Variants in PCSK4 observed in about 807,000 individuals in gnomAD.
PCSK4 encodes the protein testicular tissue protein Li 135.
Under a neutral mutation model 80.3 loss-of-function variants are expected in PCSK4, and 64 were observed. That is an observed-to-expected ratio of 0.80 (90% CI 0.65 to 0.98). The LOEUF is 0.98. Among genes scored for constraint, PCSK4 ranks in the 50% least tolerant of loss-of-function variants. The pLI is 0.00. For synonymous variants in PCSK4, 561 were observed against 487.6 expected, an observed-to-expected ratio of 1.15 and a Z score of -1.98; for missense variants, 1,213 against 1,093.6, an observed-to-expected ratio of 1.11 and a Z score of -1.54.
At chr19:1,484,435 G>A (rs180946851) in intron 8 of PCSK4, among the ~76,000 whole-genome samples, 2 of 150,984 alleles carry the variant, frequency 1.3e-5, no homozygotes, top group East Asian at 2.0e-4. Flanking sequence ...TGCAGTGAGC[G>A]GAGATCACAC....
intron 8 of PCSK4, among the ~76,000 whole-genome samples, 175 bp downstream of exon 8, chr19:1,486,678 T>C (rs2084633338): frequency 6.6e-6 from 1 of 150,944 alleles, no homozygotes; most frequent in African/African-American, 2.4e-5. Flanking sequence ...GTGATCTGCC[T>C]GCCTTAGCCT....
In PCSK4 at chr19:1,487,756, C is replaced by T. The variant is rs1308871027; in HGVS notation, c.593+29G>A. 3.9e-6 allele frequency: 6 copies of T among 1,549,788 alleles called. No individual in the cohort carries two copies. The Admixed American group carries it at 1.2e-4, about 30-fold the overall frequency. On this transcript the variant is annotated intron_variant, in intron 5 of 14. Coordinates refer to ENST00000300954, the Ensembl canonical transcript of PCSK4. ...ATCCCCCTGCCGGGTACTGGGGCTTCCCCCGTGTGCTGTGGGAGCCCTGCT... is the reference window on the plus strand; with the variant it reads ...ATCCCCCTGCCGGGTACTGGGGCTTTCCCCGTGTGCTGTGGGAGCCCTGCT...
rs376140180 is a variant in PCSK4 at position 1,487,996 on chromosome 19, C to G, written c.484G>C (p.Glu162Gln). 6.2e-6 allele frequency: 10 copies of G among 1,613,282 alleles called. No homozygotes were observed. In the East Asian group the frequency reaches 2.2e-4, roughly 36 times the overall value. ...GCCCAGAGGTCCGGGTGGTCCTTCT[C>G]GATGCCATCGTCCAGCACAGAGACC... The change falls in exon 4 of 15, where the codon GAG (glutamate) becomes CAG (glutamine). Residue 162 changes from glutamate to glutamine, a missense_variant. Transcript: ENST00000300954.
chr19:1,485,659 C>T (rs1471728788), intron 8 of PCSK4, among the ~76,000 whole-genome samples: 1 of 151,776 alleles, frequency 6.6e-6, no homozygotes, highest in East Asian at 2.0e-4. Flanking sequence ...ATCACGAGGT[C>T]AGGAGATCGA....
At chr19:1,482,116 C>T in exon 15 of PCSK4, 2 of 1,553,358 alleles carry the variant, frequency 1.3e-6, no homozygotes, top group Non-Finnish European at 1.7e-6. Context: ...TGTGCCCAGG[C>T]CCAGCGGTCA....
At chr19:1,489,942 C>T (rs1224156119) in intron 1 of PCSK4, 45 bp from the exon 2 acceptor site, 2 of 1,563,180 alleles carry the variant, frequency 1.3e-6, no homozygotes, top group East Asian at 2.4e-5. Flanking sequence ...CCCGGCTCCC[C>T]TGCTGAAGCC....
chr19:1,486,474 T>G (rs2084617433), intron 8 of PCSK4, among the ~76,000 whole-genome samples: 1 of 151,908 alleles, frequency 6.6e-6, no homozygotes, highest in African/African-American at 2.4e-5. Context: ...TTTTTTGTAT[T>G]TTTAGTAGAG....
exon 11 of PCSK4, chr19:1,483,709 G>A (rs769130615): frequency 1.9e-6 from 3 of 1,596,394 alleles, no homozygotes; most frequent in Non-Finnish European, 2.5e-6. Flanking sequence ...GCAGCCAGGT[G>A]CGGGCGGTGT....
chr19:1,489,675 T>A (rs1599254439), intron 2 of PCSK4, 118 bp downstream of exon 2: 2 of 1,479,214 alleles, frequency 1.4e-6, no homozygotes, highest in African/African-American at 1.4e-5. Flanking sequence ...CGGGCGGGTC[T>A]GAGCCACAGA....
At chr19:1,483,512 G>T in intron 11 of PCSK4, 49 bp from the exon 12 acceptor site, 1 of 1,426,530 alleles carries the variant, frequency 7.0e-7, no homozygotes, top group Non-Finnish European at 9.6e-7. Context: ...CTGGGGGGTG[G>T]GTGGGCGGCC....
At chr19:1,482,858 G>T (rs1423417599) in intron 13 of PCSK4, 38 bp downstream of exon 13, 1 of 1,604,526 alleles carries the variant, frequency 6.2e-7, no homozygotes, top group South Asian at 1.1e-5. Context: ...AGGTTGGAGA[G>T]CCAAGCCCCG....
At chr19:1,485,567 C>G (rs969844592) in intron 8 of PCSK4, among the ~76,000 whole-genome samples, 2 of 151,586 alleles carry the variant, frequency 1.3e-5, no homozygotes, top group Non-Finnish European at 2.9e-5. Flanking sequence ...GAGCGAGACT[C>G]CATCTCAAAA....
chr19:1,482,162 T>C (rs1308660719), exon 15 of PCSK4: 1 of 1,559,606 alleles, frequency 6.4e-7, no homozygotes, highest in Admixed American at 1.8e-5. Context: ...CGGGGGGCAG[T>C]AGGCCAGGCA....
intron 13 of PCSK4, 196 bp from the exon 14 acceptor site, chr19:1,482,671 C>T (rs1202539399): frequency 7.7e-6 from 6 of 784,168 alleles, no homozygotes; most frequent in South Asian, 5.4e-5. Context: ...ACCTACTGTG[C>T]GCCTGTCACT....
exon 1 of PCSK4, chr19:1,490,342 C>A (rs1249037495): frequency 8.2e-7 from 1 of 1,222,294 alleles, no homozygotes; most frequent in South Asian, 1.5e-5. Flanking sequence ...CGGGGCGGGC[C>A]GCATGGAGGC....
chr19:1,489,929 G>T, intron 1 of PCSK4, 32 bp from the exon 2 acceptor site: 1 of 1,575,920 alleles, frequency 6.3e-7, no homozygotes, highest in Non-Finnish European at 8.6e-7. Context: ...CGCACCGATG[G>T]GACCCGGCTC....
At chr19:1,488,763 T>C (rs1353983524) in intron 2 of PCSK4, among the ~76,000 whole-genome samples, 2 of 151,584 alleles carry the variant, frequency 1.3e-5, no homozygotes, top group African/African-American at 2.4e-5. Flanking sequence ...GTACATTTAG[T>C]AGAGATGGGG....
chr19:1,488,590 TC>T (rs1476455109), intron 2 of PCSK4, among the ~76,000 whole-genome samples: 2 of 152,136 alleles, frequency 1.3e-5, no homozygotes, highest in African/African-American at 4.8e-5. Flanking sequence ...TTATTTTTTT[TC>T]TTTTTTTGAG....
At chr19:1,484,256 G>A in intron 8 of PCSK4, 129 bp from the exon 9 acceptor site, 1 of 588,392 alleles carries the variant, frequency 1.7e-6, no homozygotes, top group Non-Finnish European at 3.1e-6. Flanking sequence ...GGGAGGCTGA[G>A]GCGGGCGTGT....
Sources: allele counts gnomAD v4.1 joint callset (sites outside exome capture counted in the v4.1 genomes callset), GRCh38; gene constraint gnomAD v4.1.1; transcripts MANE v1.5; gene names NCBI Gene and HGNC (gene_info 2026-07-23, HGNC 2026-07-21).